DACH2: variants seen among roughly 807,000 people sequenced by gnomAD.
DACH2 encodes the protein dachshund homolog 2.
Under a neutral mutation model 35.8 loss-of-function variants are expected in DACH2, and 17 were observed. The ratio of observed to expected loss-of-function variants is 0.48; its 90% CI spans 0.33 to 0.71. DACH2 has a LOEUF of 0.71. DACH2 is among the 30% of genes least tolerant of loss of function. DACH2 has a pLI of 0.02. For synonymous variants in DACH2, 195 were observed against 177.3 expected (o/e 1.10, Z -0.79); for missense variants, 469 against 472.7 (o/e 0.99, Z 0.07).
At chrX:86,695,223 A>G (rs781567664) in intron 5 of DACH2, 44 bp downstream of exon 5, 3 of 922,336 alleles carry the variant, frequency 3.3e-6, no homozygotes, top group Non-Finnish European at 4.1e-6. Flanking sequence ...TGAACAAAAT[A>G]CTATCCAAGA....
At chrX:86,444,941 TATAAC>T (rs765424053) in intron 2 of DACH2, among the ~76,000 whole-genome samples, 35 of 111,318 alleles carry the variant, frequency 3.1e-4, no homozygotes, top group African/African-American at 8.5e-4. Context: ...AATAGAAAGA[TATAAC>T]ATAATTTATA....
chrX:86,799,507 T>A (rs1266159351), intron 7 of DACH2, among the ~76,000 whole-genome samples: 8 of 111,428 alleles, frequency 7.2e-5, no homozygotes, highest in Non-Finnish European at 5.6e-5. Context: ...TCATTCGGAC[T>A]GGTTGGACAG....
intron 3 of DACH2, among the ~76,000 whole-genome samples, chrX:86,600,142 T>C (rs1050762865): frequency 1.1e-4 from 12 of 112,191 alleles, no homozygotes; most frequent in African/African-American, 3.9e-4. Context: ...TGAGTGGAGG[T>C]AGAGAGAATT....
chrX:86,702,924 C>T (rs1239163923), intron 5 of DACH2, among the ~76,000 whole-genome samples: 1 of 111,047 alleles, frequency 9.0e-6, no homozygotes, highest in Non-Finnish European at 1.9e-5. Context: ...TCTATGAAGC[C>T]AGTATCACCT....
chrX:86,703,225 A>G (rs1471539558), intron 5 of DACH2, among the ~76,000 whole-genome samples: 1 of 111,238 alleles, frequency 9.0e-6, no homozygotes, highest in Non-Finnish European at 1.9e-5. Context: ...GCATTCCTTT[A>G]TTATAAAAAC....
chrX:86,349,337 G>A (rs6653102), intron 1 of DACH2, among the ~76,000 whole-genome samples: 239 of 111,906 alleles, frequency 2.1e-3, no homozygotes, highest in African/African-American at 7.3e-3. Flanking sequence ...CTGTTGGTGT[G>A]CTCTTCCACC....
At chrX:86,821,334 AT>A (rs1005666340) in intron 11 of DACH2, among the ~76,000 whole-genome samples, 1 of 110,968 alleles carries the variant, frequency 9.0e-6, no homozygotes, top group Non-Finnish European at 1.9e-5. Context: ...GGTCTTAAAA[AT>A]TTTCTTTTAA....
At chrX:86,170,363 T>G (rs2147872511) in intron 1 of DACH2, among the ~76,000 whole-genome samples, 1 of 111,406 alleles carries the variant, frequency 9.0e-6, no homozygotes, top group East Asian at 2.8e-4. Flanking sequence ...CTCTGTTCGC[T>G]TAAGGCCCTA....
intron 1 of DACH2, among the ~76,000 whole-genome samples, chrX:86,185,326 G>A (rs913862884): frequency 9.0e-6 from 1 of 111,684 alleles, no homozygotes; most frequent in Non-Finnish European, 1.9e-5. Context: ...AGAATATAGG[G>A]CAGCAAAGAA....
intron 2 of DACH2, among the ~76,000 whole-genome samples, chrX:86,392,829 G>T (rs757897931): frequency 1.8e-5 from 2 of 111,371 alleles, no homozygotes; most frequent in Non-Finnish European, 3.8e-5. Context: ...TTAGAATAAA[G>T]TTAAAATATC....
intron 1 of DACH2, among the ~76,000 whole-genome samples, chrX:86,329,599 G>C: frequency 9.0e-6 from 1 of 110,834 alleles, no homozygotes; most frequent in Non-Finnish European, 1.9e-5. Flanking sequence ...TGATCTTGCT[G>C]TATATGAGTA....
rs186458206 is a variant in DACH2 at position 86,311,128 on chromosome X, G to T, written c.489-65696G>T. The stretch of plus-strand genomic sequence containing the variant: ...ACCTGGTGGCAGATTAATTATATTG[G>T]ACCTCTTCCATCATGGAAAGAACAA... On this transcript the variant is annotated intron_variant, in intron 1 of 11. Coordinates refer to ENST00000373125, the MANE Select transcript of DACH2 (RefSeq NM_053281.3). 1.4e-3 allele frequency among the ~76,000 whole-genome samples: 154 copies of T among 111,765 alleles called. 1 individual carries two copies. The highest frequency in any genetic ancestry group is 2.3e-3 in the Non-Finnish European group (123 of 53,101).
intron 3 of DACH2, among the ~76,000 whole-genome samples, chrX:86,624,949 A>G (rs777148428): frequency 1.9e-4 from 21 of 111,310 alleles, no homozygotes; most frequent in Non-Finnish European, 4.0e-4. Context: ...CAGACATATT[A>G]TTACAAAAAT....
chrX:86,475,777 G>T (rs186178605), intron 2 of DACH2, among the ~76,000 whole-genome samples: 1 of 111,834 alleles, frequency 8.9e-6, no homozygotes, highest in East Asian at 2.8e-4. Context: ...TTAGAGGAAC[G>T]GCTTTTACTC....
At chrX:86,178,635 G>A (rs1256459537) in intron 1 of DACH2, among the ~76,000 whole-genome samples, 1 of 110,821 alleles carries the variant, frequency 9.0e-6, no homozygotes, top group Non-Finnish European at 1.9e-5. Flanking sequence ...TTTGTCTCAG[G>A]CACAGTTGTT....
At chrX:86,470,688 G>A (rs2037748284) in intron 2 of DACH2, among the ~76,000 whole-genome samples, 1 of 110,828 alleles carries the variant, frequency 9.0e-6, no homozygotes, top group African/African-American at 3.3e-5. Flanking sequence ...TGGGTATAAT[G>A]TATAGTATTT....
chrX:86,538,730 A>T (rs1443319159), intron 3 of DACH2, among the ~76,000 whole-genome samples: 1 of 109,791 alleles, frequency 9.1e-6, no homozygotes. Context: ...CATGACCCAA[A>T]CACCTCCCCT....
intron 2 of DACH2, among the ~76,000 whole-genome samples, chrX:86,453,022 G>A (rs1198103829): frequency 9.0e-6 from 1 of 111,247 alleles, no homozygotes; most frequent in Non-Finnish European, 1.9e-5. Flanking sequence ...TTGCCTGTTT[G>A]TTCTCATTAG....
intron 3 of DACH2, among the ~76,000 whole-genome samples, chrX:86,564,070 A>G (rs2039262852): frequency 9.0e-6 from 1 of 110,693 alleles, no homozygotes; most frequent in East Asian, 2.8e-4. Flanking sequence ...AAACCTTAAG[A>G]TAACTGAAGG....
Sources: gnomAD v4.1 joint callset for allele counts (sites outside exome capture counted in the v4.1 genomes callset) on GRCh38, gnomAD v4.1.1 for gene constraint, MANE v1.5 for transcripts, NCBI Gene and HGNC (gene_info 2026-07-23, HGNC 2026-07-21) for gene names.